PRRX1: variants seen among roughly 807,000 people sequenced by gnomAD.
PRRX1 encodes the protein paired mesoderm homeobox protein 1.
PRRX1 carries 8 observed loss-of-function variants against 24.0 expected under a neutral mutation model. The ratio of observed to expected loss-of-function variants is 0.33; its 90% CI spans 0.20 to 0.60. PRRX1 has a LOEUF of 0.60. Among genes scored for constraint, PRRX1 ranks in the 20% least tolerant of loss-of-function variants. The pLI is 0.82. For synonymous variants in PRRX1, 160 were observed against 131.7 expected (o/e 1.22, Z -1.47); for missense variants, 281 against 322.4 (o/e 0.87, Z 0.98).
At chr1:170,700,177 T>A (rs1268908671) in intron 1 of PRRX1, among the ~76,000 whole-genome samples, 1 of 135,472 alleles carries the variant, frequency 7.4e-6, no homozygotes, top group African/African-American at 2.7e-5. Flanking sequence ...TTGGAAGTTA[T>A]TTTTTTGTGT....
intron 1 of PRRX1, among the ~76,000 whole-genome samples, chr1:170,713,592 A>G (rs2101912916): frequency 6.6e-6 from 1 of 151,886 alleles, no homozygotes; most frequent in Non-Finnish European, 1.5e-5. Flanking sequence ...CTATATTGAG[A>G]AAGTTAAATT....
intron 1 of PRRX1, among the ~76,000 whole-genome samples, chr1:170,703,347 G>A (rs907003616): frequency 1.3e-5 from 2 of 151,690 alleles, no homozygotes; most frequent in Middle Eastern, 6.9e-3. Context: ...CTGAGCCTTG[G>A]TCTCCTCATC....
intron 2 of PRRX1, among the ~76,000 whole-genome samples, chr1:170,721,291 T>C (rs1216452955): frequency 1.3e-5 from 2 of 152,232 alleles, no homozygotes; most frequent in Non-Finnish European, 2.9e-5. Context: ...TTGTCTTCCT[T>C]ACAAAATTAT....
At chr1:170,674,988 G>A (rs906663693) in intron 1 of PRRX1, among the ~76,000 whole-genome samples, 3 of 152,000 alleles carry the variant, frequency 2.0e-5, no homozygotes, top group Non-Finnish European at 2.9e-5. Flanking sequence ...TTACTCAGTG[G>A]AAAAAGTTTT....
chr1:170,710,592 G>A (rs1654713991), intron 1 of PRRX1, among the ~76,000 whole-genome samples: 1 of 152,164 alleles, frequency 6.6e-6, no homozygotes, highest in Non-Finnish European at 1.5e-5. Context: ...GTCATGGACT[G>A]AATGTTTACA....
At chr1:170,683,963 G>GT (rs1319495754) in intron 1 of PRRX1, among the ~76,000 whole-genome samples, 1 of 152,138 alleles carries the variant, frequency 6.6e-6, no homozygotes, top group Admixed American at 6.6e-5. Flanking sequence ...CCCACCACCA[G>GT]TTTTTTGATT....
rs548674307 is a variant in PRRX1 at position 170,694,695 on chromosome 1, TC to T, written c.242-25030del. On this transcript the variant is annotated intron_variant, in intron 1 of 3. Coordinates refer to ENST00000239461, the MANE Select transcript of PRRX1 (RefSeq NM_022716.4). ...CAGATCTTCTTGTTGATTCAGGACT[TC>T]TGCTATTTTACAATGAAAGCAGATT... is the stretch of plus-strand genomic sequence containing the variant. Among the ~76,000 whole-genome samples the T allele has an allele frequency of 2.6e-3, 395 of 152,304 alleles. 8 individuals carry two copies. The highest frequency in any genetic ancestry group is 1.3e-3 in the East Asian group (7 of 5,186).
intron 1 of PRRX1, among the ~76,000 whole-genome samples, chr1:170,719,387 C>T (rs921709915): frequency 2.0e-5 from 3 of 152,202 alleles, no homozygotes; most frequent in African/African-American, 7.2e-5. Context: ...TACTCTTCTT[C>T]CTTTATCTCT....
At chr1:170,676,251 C>T (rs991508020) in intron 1 of PRRX1, among the ~76,000 whole-genome samples, 3 of 152,088 alleles carry the variant, frequency 2.0e-5, no homozygotes, top group Non-Finnish European at 4.4e-5. Context: ...CTTAGCTTTC[C>T]TCAGGGAAGA....
chr1:170,689,985 C>A (rs1653882606), intron 1 of PRRX1, among the ~76,000 whole-genome samples: 2 of 151,620 alleles, frequency 1.3e-5, no homozygotes, highest in African/African-American at 4.8e-5. Context: ...ACTGGATTGG[C>A]ATTCCTCATC....
intron 1 of PRRX1, 92 bp downstream of exon 1, chr1:170,664,551 A>G: frequency 1.3e-6 from 2 of 1,495,898 alleles, no homozygotes; most frequent in South Asian, 1.3e-5. Flanking sequence ...GCGGCCAGAA[A>G]GACAAGGTCC....
At chr1:170,700,297 T>G (rs748976187) in intron 1 of PRRX1, among the ~76,000 whole-genome samples, 1 of 152,152 alleles carries the variant, frequency 6.6e-6, no homozygotes, top group South Asian at 2.1e-4. Flanking sequence ...CTAGCTAGTA[T>G]AGAACCGCTG....
At chr1:170,728,066 C>T (rs891810191) in intron 3 of PRRX1, 2 of 152,128 alleles carry the variant, frequency 1.3e-5, no homozygotes, top group African/African-American at 4.8e-5. Context: ...TTGGTCACAA[C>T]CAGGAAGTAT....
intron 1 of PRRX1, among the ~76,000 whole-genome samples, chr1:170,676,071 G>C (rs1653310787): frequency 6.6e-6 from 1 of 152,068 alleles, no homozygotes; most frequent in African/African-American, 2.4e-5. Flanking sequence ...AAGATCAGGG[G>C]AAGACCACAG....
chr1:170,717,138 A>G (rs549788603), intron 1 of PRRX1, among the ~76,000 whole-genome samples: 1 of 152,356 alleles, frequency 6.6e-6, no homozygotes, highest in Admixed American at 6.5e-5. Context: ...CATGATCTGA[A>G]CTAGTGTTTT....
chr1:170,682,037 G>C (rs763215518), intron 1 of PRRX1, among the ~76,000 whole-genome samples: 30 of 152,050 alleles, frequency 2.0e-4, no homozygotes, highest in Non-Finnish European at 3.5e-4. Context: ...TAGGTTCCTA[G>C]GAAACCTCCA....
chr1:170,684,478 C>T lies in PRRX1; in HGVS notation c.241+20019C>T, dbSNP rs1469410156. Among the ~76,000 whole-genome samples the T allele has an allele frequency of 5.3e-5, 8 of 152,168 alleles. No homozygotes were observed. In the East Asian group the frequency reaches 5.8e-4, roughly 11 times the overall value. ...TTTTAAAGATTTGGAATCGGCTGGG[C>T]GGGATGGCTCATGCCTGTAATCCCA... On this transcript the variant is annotated intron_variant, in intron 1 of 3. Transcript: ENST00000239461.
At chr1:170,710,976 T>C (rs1387083996) in intron 1 of PRRX1, among the ~76,000 whole-genome samples, 3 of 152,224 alleles carry the variant, frequency 2.0e-5, no homozygotes, top group Non-Finnish European at 4.4e-5. Context: ...ATACAGAAAT[T>C]GAAAGCTTCA....
rs1435789301 is a variant in PRRX1, at chr1:170,739,230, TA to T, written c.*3047del. On this transcript the variant is annotated 3_prime_UTR_variant, in exon 4 of 4. Coordinates refer to ENST00000239461, the MANE Select transcript of PRRX1 (RefSeq NM_022716.4). ...CTGATTTGTAGGGTACTTGGCAGGTTAAATTAAACCAGAAGAGGTGACTTAA... is the reference window on the plus strand; with the variant it reads ...CTGATTTGTAGGGTACTTGGCAGGTTAATTAAACCAGAAGAGGTGACTTAA... The T allele has an allele frequency of 1.5e-5, 3 of 199,362 alleles. No individual in the cohort carries two copies. The highest frequency in any genetic ancestry group is 6.9e-5 in the African/African-American group (3 of 43,454). The allele number at this position is 199,362 out of a possible 1,614,324, so 12.3% of individuals were successfully genotyped here. A position where few individuals can be genotyped will look rare whatever the true frequency, so the allele number is the denominator to read the frequency against.
Sources: allele counts gnomAD v4.1 joint callset (sites outside exome capture counted in the v4.1 genomes callset), GRCh38; gene constraint gnomAD v4.1.1; transcripts MANE v1.5; gene names NCBI Gene and HGNC (gene_info 2026-07-23, HGNC 2026-07-21).